Variants in ALG14 observed in about 807,000 individuals in gnomAD.
ALG14 encodes the protein ALG14 UDP-N-acetylglucosaminyltransferase subunit, also known as UDP-N-acetylglucosamine transferase subunit ALG14.
Under a neutral mutation model 22.8 loss-of-function variants are expected in ALG14, and 17 were observed. The observed-to-expected ratio is 0.75, with a 90% CI of 0.51 to 1.12. The LOEUF (loss-of-function observed/expected upper bound fraction) is 1.12. Ranked by LOEUF, ALG14 falls within the 50% of genes most tolerant of loss-of-function variation. The pLI, the probability that ALG14 is intolerant of heterozygous loss-of-function variation, is 0.00. For synonymous variants in ALG14, 89 were observed against 103.7 expected (o/e 0.86, Z 0.86); for missense variants, 288 against 271.8 (o/e 1.06, Z -0.42).
chr1:95,037,883 C>T (rs1052683121), intron 2 of ALG14, among the ~76,000 whole-genome samples: 1 of 152,140 alleles, frequency 6.6e-6, no homozygotes, highest in Non-Finnish European at 1.5e-5. Flanking sequence ...TCAACAAGCA[C>T]CTGCCAGGTG....
At chr1:94,997,394 G>A (rs1159844966) in intron 3 of ALG14, among the ~76,000 whole-genome samples, 1 of 152,200 alleles carries the variant, frequency 6.6e-6, no homozygotes, top group Non-Finnish European at 1.5e-5. Flanking sequence ...TTAAGGAAGA[G>A]ATTCTCAACC....
intron 3 of ALG14, among the ~76,000 whole-genome samples, chr1:95,020,090 C>A: frequency 6.6e-6 from 1 of 151,840 alleles, no homozygotes. Context: ...TGGTGTCATG[C>A]GTCTATAATC....
intron 3 of ALG14, among the ~76,000 whole-genome samples, chr1:95,005,430 T>A (rs1463143381): frequency 6.6e-6 from 1 of 152,192 alleles, no homozygotes; most frequent in African/African-American, 2.4e-5. Context: ...TATGACCTAC[T>A]GGTCACAGGC....
intron 3 of ALG14, chr1:94,983,554 A>G: frequency 2.0e-6 from 1 of 493,924 alleles, no homozygotes; most frequent in Non-Finnish European, 3.7e-6. Context: ...CTTAACTTCT[A>G]ACTTCTAGCA....
intron 2 of ALG14, chr1:95,035,678 C>T (rs1163614962): frequency 6.6e-6 from 1 of 152,182 alleles, no homozygotes; most frequent in Non-Finnish European, 1.5e-5. Flanking sequence ...TTAAAAACCA[C>T]AAACATATCT....
chr1:94,983,457 A>AT, intron 3 of ALG14, 151 bp from the exon 4 acceptor site: 1 of 676,368 alleles, frequency 1.5e-6, no homozygotes, highest in African/African-American at 1.8e-5. Context: ...CAAACAGCGC[A>AT]TGTTTAAGCC....
chr1:94,993,338 C>T (rs997971080), intron 3 of ALG14, among the ~76,000 whole-genome samples: 17 of 143,916 alleles, frequency 1.2e-4, no homozygotes, highest in Non-Finnish European at 2.6e-4. Context: ...TATTTTAAAT[C>T]TTATTTATAT....
chr1:95,062,876 C>T (rs1000651110), intron 2 of ALG14, among the ~76,000 whole-genome samples: 1 of 152,230 alleles, frequency 6.6e-6, no homozygotes, highest in Non-Finnish European at 1.5e-5. Flanking sequence ...AATCGCCACA[C>T]TATCTTCCAC....
At chr1:95,052,838 C>T (rs1343503416) in intron 2 of ALG14, among the ~76,000 whole-genome samples, 4 of 144,460 alleles carry the variant, frequency 2.8e-5, no homozygotes, top group African/African-American at 1.0e-4. Flanking sequence ...GCTTGGGCAC[C>T]AGAGCAAGAC....
At chr1:94,999,730 G>C (rs61772640) in intron 3 of ALG14, among the ~76,000 whole-genome samples, 2,947 of 152,302 alleles carry the variant, frequency 0.019, 50 homozygotes, top group Non-Finnish European at 0.029. Context: ...TGCTGGGAAA[G>C]GACCTCTGGC....
chr1:95,069,346 T>C (rs959239900), intron 1 of ALG14, among the ~76,000 whole-genome samples: 6 of 152,156 alleles, frequency 3.9e-5, no homozygotes, highest in African/African-American at 1.4e-4. Context: ...AAAGCTCCTT[T>C]TGCCACCAAG....
At chr1:95,019,018 G>A (rs1673583017) in intron 3 of ALG14, among the ~76,000 whole-genome samples, 1 of 152,190 alleles carries the variant, frequency 6.6e-6, no homozygotes, top group East Asian at 1.9e-4. Flanking sequence ...GCCCACAAAA[G>A]CAAACCTGTT....
chr1:95,038,512 C>A (rs1479748006), intron 2 of ALG14, among the ~76,000 whole-genome samples: 1 of 151,460 alleles, frequency 6.6e-6, no homozygotes, highest in African/African-American at 2.4e-5. Context: ...AACAAACAAA[C>A]AAAAACCCCA....
intron 3 of ALG14, among the ~76,000 whole-genome samples, chr1:95,011,072 G>C (rs11808944): frequency 2.2e-3 from 334 of 152,290 alleles, no homozygotes; most frequent in African/African-American, 7.7e-3. Flanking sequence ...ATGATAAATA[G>C]GAAGGCATCT....
chr1:95,046,446 C>A (rs1313899985), intron 2 of ALG14, among the ~76,000 whole-genome samples: 1 of 152,152 alleles, frequency 6.6e-6, no homozygotes, highest in Non-Finnish European at 1.5e-5. Flanking sequence ...CTAACTAACG[C>A]CTGATGATCT....
chr1:95,060,552 TA>T (rs200328047), intron 2 of ALG14, among the ~76,000 whole-genome samples: 10,059 of 138,526 alleles, frequency 0.073, 397 homozygotes, highest in Middle Eastern at 0.096. Flanking sequence ...CTGTCTCTAT[TA>T]AAAAAAAAAA....
chr1:94,999,778 G>A (rs530302643), intron 3 of ALG14, among the ~76,000 whole-genome samples: 25 of 152,198 alleles, frequency 1.6e-4, no homozygotes, highest in African/African-American at 6.0e-4. Flanking sequence ...TTAACTTTAG[G>A]AAACAGCTCT....
At chr1:95,055,656 T>C (rs971679264) in intron 2 of ALG14, among the ~76,000 whole-genome samples, 1 of 151,726 alleles carries the variant, frequency 6.6e-6, no homozygotes, top group African/African-American at 2.4e-5. Flanking sequence ...TTTGTGAACT[T>C]GTCAAAACTA....
At chr1:95,047,324 T>G (rs2100808276) in intron 2 of ALG14, among the ~76,000 whole-genome samples, 1 of 152,218 alleles carries the variant, frequency 6.6e-6, no homozygotes, top group African/African-American at 2.4e-5. Context: ...GACAGGAAAC[T>G]TTCACTGTTT....
Sources: gnomAD v4.1 joint callset for allele counts (sites outside exome capture counted in the v4.1 genomes callset) on GRCh38, gnomAD v4.1.1 for gene constraint, MANE v1.5 for transcripts, NCBI Gene and HGNC (gene_info 2026-07-23, HGNC 2026-07-21) for gene names.